SMG1: variants seen among roughly 807,000 people sequenced by gnomAD.
The protein encoded by SMG1 is serine/threonine-protein kinase SMG1.
Under a neutral mutation model 419.9 loss-of-function variants are expected in SMG1, and 22 were observed. The ratio of observed to expected loss-of-function variants is 0.05; its 90% CI spans 0.04 to 0.07. SMG1 has a LOEUF of 0.07. Among genes scored for constraint, SMG1 ranks in the 10% least tolerant of loss-of-function variants. The pLI is 1.00. For synonymous variants in SMG1, 1,538 were observed against 1,553.5 expected (o/e 0.99, Z 0.23); for missense variants, 3,185 against 4,342.0 (o/e 0.73, Z 7.49).
rs1567434030 is a variant in SMG1 at position 18,892,365 on chromosome 16, A to T, written c.413-11T>A. 6.5e-7 allele frequency: 1 copy of T among 1,546,522 alleles called. No homozygotes were observed. Among genetic ancestry groups the T allele is most frequent in the Non-Finnish European group, 8.7e-7 (1 of 1,144,464 alleles). On this transcript the variant is annotated splice_polypyrimidine_tract_variant and intron_variant, in intron 3 of 62. Transcript: ENST00000446231. ...AAGACATCGATCTCTCTGTGAATAT[A>T]TAAACATTTTGTTGTCCATTGAGTA...
chr16:18,834,317 A>G lies in SMG1; in HGVS notation c.8452T>C (p.Leu2818=). ...LCSMSGNVTC[L]VQLLKQCHLV... Reference sequence around the variant, plus strand: ...TGGCACTGCTTCAGTAACTGAACCAAGCAGGTGACGTTTCCGCTCATACTG... The same window carrying G: ...TGGCACTGCTTCAGTAACTGAACCAGGCAGGTGACGTTTCCGCTCATACTG... Residue 2818 remains leucine (L), a synonymous_variant, in exon 50 of 63, where the codon TTG becomes CTG. Coordinates refer to ENST00000446231, the MANE Select transcript of SMG1 (RefSeq NM_015092.5). The G allele has an allele frequency of 6.2e-7, 1 of 1,613,380 alleles. No homozygotes were observed. Among genetic ancestry groups the G allele is most frequent in the Non-Finnish European group, 8.5e-7 (1 of 1,179,676 alleles).
chr16:18,815,034 G>A lies in SMG1; in HGVS notation c.10621+141C>T, dbSNP rs190154308. The A allele has an allele frequency of 5.0e-3, 3,124 of 622,390 alleles. 17 individuals carry two copies. Among genetic ancestry groups the A allele is most frequent in the Non-Finnish European group, 7.3e-3 (2,633 of 362,688 alleles). 38.6% of individuals were successfully genotyped at this position (622,390 alleles called of 1,614,324 possible). ...TGCCTGGCTTACGAGTATTTTTAAG[G>A]ATAAGCTAAAATCTGTTCAGTTTAA... On this transcript the variant is annotated intron_variant, in intron 60 of 62. Transcript: ENST00000446231.
intron 60 of SMG1, among the ~76,000 whole-genome samples, chr16:18,814,171 A>G (rs2031765117): frequency 6.6e-6 from 1 of 151,374 alleles, no homozygotes; most frequent in African/African-American, 2.4e-5. Context: ...ATTAACTGGA[A>G]AGGCAACAAA....
In SMG1 at chr16:18,865,546, T is replaced by TAA. The variant is rs201502116; in HGVS notation, c.3350+1073_3350+1074dup. On this transcript the variant is annotated intron_variant, in intron 23 of 62. Transcript: ENST00000446231. ...ATATTAAGTGCTACGGTACATTTAG[T>TAA]AAAAAAAAATATCAGAAACAACCTT... Among the ~76,000 whole-genome samples, 1,367 of 150,958 alleles carry TAA rather than the reference T, an allele frequency of 9.1e-3. 47 individuals are homozygous for TAA. Among genetic ancestry groups the TAA allele is most frequent in the Admixed American group, 0.065 (979 of 15,162 alleles).
At chr16:18,882,490 A>T (rs1454190627) in intron 9 of SMG1, among the ~76,000 whole-genome samples, 152 bp from the exon 10 acceptor site, 1 of 152,220 alleles carries the variant, frequency 6.6e-6, no homozygotes. Flanking sequence ...TCATGACTCT[A>T]AATATAAAAA....
intron 54 of SMG1, among the ~76,000 whole-genome samples, chr16:18,828,815 A>G (rs1364381374): frequency 6.6e-6 from 1 of 152,208 alleles, no homozygotes; most frequent in African/African-American, 2.4e-5. Context: ...CCTGACCAAC[A>G]TGGAGAAACC....
At chr16:18,829,905 T>C in intron 53 of SMG1, 21 bp downstream of exon 53, 3 of 1,509,434 alleles carry the variant, frequency 2.0e-6, no homozygotes, top group East Asian at 2.3e-5. Context: ...AAAGCTAGTA[T>C]GTTTACAGGT....
Position 18,872,489 on chromosome 16 carries a change from A to T in SMG1, c.2021+5T>A, listed in dbSNP as rs187135128. 1.1e-5 allele frequency: 17 copies of T among 1,539,632 alleles called. No homozygotes were observed. In the Admixed American group the frequency reaches 2.9e-4, roughly 26 times the overall value. On this transcript the variant is annotated splice_donor_5th_base_variant and intron_variant, in intron 14 of 62. Coordinates refer to ENST00000446231, the MANE Select transcript of SMG1 (RefSeq NM_015092.5). ...GTTCTTAAGAAAAATTTGTAAATAC[A>T]GTACCTGGTACAATGAGAATACAAT...
At position 18,859,034 on chromosome 16, in the gene SMG1, T is replaced by G; in HGVS notation, c.4101A>C (p.Arg1367Ser). The change falls in exon 28 of 63, where the codon AGA (arginine) becomes AGC (serine). Residue 1367 changes from arginine (R) to serine (S), a missense_variant. Physicochemically the swap from Arg to Ser is moderately radical, Grantham distance 110. Coordinates refer to ENST00000446231, the MANE Select transcript of SMG1 (RefSeq NM_015092.5). ...SSALENTVSN[R>S]LSTEDCLIPL... is the part of the protein sequence containing the mutation. ...AAAATATACAGACCTCTGTTGAAAG[T>G]CTGTTAGAAACTGTGTTCTCCAAAG... 1 of 1,528,110 alleles carries G rather than the reference T, an allele frequency of 6.5e-7. No individual in the cohort carries two copies. Among genetic ancestry groups the G allele is most frequent in the Non-Finnish European group, 8.7e-7 (1 of 1,143,294 alleles). 94.7% of individuals were successfully genotyped at this position (1,528,110 alleles called of 1,614,324 possible).
intron 50 of SMG1, 50 bp from the exon 51 acceptor site, chr16:18,833,216 G>T: frequency 6.8e-7 from 1 of 1,478,462 alleles, no homozygotes; most frequent in Non-Finnish European, 9.3e-7. Flanking sequence ...GTTTAGCTAA[G>T]TTACACATTT....
At chr16:18,838,843 C>T (rs770884459) in intron 42 of SMG1, among the ~76,000 whole-genome samples, 154 bp from the exon 43 acceptor site, 5 of 152,194 alleles carry the variant, frequency 3.3e-5, no homozygotes, top group Non-Finnish European at 5.9e-5. Context: ...AAGGTTGCTG[C>T]ATGTGGTTAT....
chr16:18,907,679 C>T (rs1419612464), intron 1 of SMG1, among the ~76,000 whole-genome samples: 1 of 151,820 alleles, frequency 6.6e-6, no homozygotes, highest in African/African-American at 2.4e-5. Context: ...GAAACCCTGT[C>T]TCTACCAAAA....
At chr16:18,840,730 C>A (rs1250073997) in intron 41 of SMG1, among the ~76,000 whole-genome samples, 1 of 152,048 alleles carries the variant, frequency 6.6e-6, no homozygotes, top group Admixed American at 6.6e-5. Flanking sequence ...CATAAAAGAA[C>A]CTGGGTTTTA....
At position 18,845,371 on chromosome 16, in the gene SMG1, G is replaced by A. The variant is rs879606572; in HGVS notation, c.6219+58C>T. On this transcript the variant is annotated intron_variant, in intron 39 of 62. Transcript: ENST00000446231. ...TAAGAAGTCCACTTATTGAAATTTC[G>A]TATCTCATGGGAACTGTGATGTGCC... 50 of 1,420,738 alleles carry A rather than the reference G, an allele frequency of 3.5e-5. No homozygotes were observed. In the East Asian group the frequency reaches 3.7e-4, roughly 11 times the overall value. 88.0% of individuals were successfully genotyped at this position (1,420,738 alleles called of 1,614,324 possible). A position where few individuals can be genotyped will look rare whatever the true frequency, so the allele number is the denominator to read the frequency against.
intron 1 of SMG1, among the ~76,000 whole-genome samples, chr16:18,906,723 C>T (rs961412906): frequency 1.3e-5 from 2 of 152,224 alleles, no homozygotes; most frequent in African/African-American, 4.8e-5. Context: ...CCTTTACTTG[C>T]TGCAGCCAAA....
In SMG1 at chr16:18,834,902, T is replaced by C; in HGVS notation, c.8320A>G (p.Thr2774Ala). Residue 2774 changes from threonine (T) to alanine (A), a missense_variant, in exon 49 of 63, where the codon ACC (threonine) becomes GCC (alanine). By Grantham distance (58) the Thr-to-Ala change is moderately conservative. Transcript: ENST00000446231. ...AGTTGGCTAACTTACCTTGTAAGGG[T>C]ACAAAGGGCAGAAATAATAACACTT... ...LASVIISALC[T>A]LTRRNLMMEG... 6.2e-7 allele frequency: 1 copy of C among 1,613,718 alleles called. No homozygotes were observed. The highest frequency in any genetic ancestry group is 8.5e-7 in the Non-Finnish European group (1 of 1,179,694).
intron 1 of SMG1, among the ~76,000 whole-genome samples, chr16:18,906,042 G>A (rs1213687942): frequency 6.6e-6 from 1 of 152,042 alleles, no homozygotes; most frequent in Non-Finnish European, 1.5e-5. Flanking sequence ...TAAACTCAAT[G>A]ATCCATCAAC....
chr16:18,838,787 C>T (rs2033737761), intron 42 of SMG1, 98 bp from the exon 43 acceptor site: 3 of 777,206 alleles, frequency 3.9e-6, no homozygotes, highest in African/African-American at 3.5e-5. Flanking sequence ...CACCATTAAC[C>T]TACTCCCTTA....
At chr16:18,857,935 T>A in intron 29 of SMG1, 1 of 287,428 alleles carries the variant, frequency 3.5e-6, no homozygotes, top group East Asian at 7.0e-5. Flanking sequence ...TAATCCATAG[T>A]GACAGAAAGC....
Sources: gnomAD v4.1 joint callset for allele counts (sites outside exome capture counted in the v4.1 genomes callset) on GRCh38, gnomAD v4.1.1 for gene constraint, MANE v1.5 for transcripts, NCBI Gene and HGNC (gene_info 2026-07-23, HGNC 2026-07-21) for gene names.